The following CFAP44 variants were observed in gnomAD, a reference collection of about 807,000 sequenced individuals.
CFAP44 encodes cilia- and flagella-associated protein 44.
A neutral mutation model predicts 216.2 loss-of-function variants in CFAP44; 134 were observed. The observed-to-expected ratio is 0.62, with a 90% confidence interval of 0.54 to 0.72. CFAP44 has a LOEUF of 0.72. Ranked by LOEUF, CFAP44 falls within the 30% of genes least tolerant of loss-of-function variation. The probability of loss-of-function intolerance (pLI) is 0.00; values close to 1 mark genes in which losing one functional copy is unlikely to be tolerated. For missense variants in CFAP44, 2,035 were observed against 2,182.1 expected (o/e 0.93, Z 1.34); for synonymous variants, 700 against 727.6 (o/e 0.96, Z 0.61).
intron 34 of CFAP44, among the ~76,000 whole-genome samples, chr3:113,293,243 A>C (rs1319770321): frequency 6.6e-6 from 1 of 152,194 alleles, no homozygotes; most frequent in Non-Finnish European, 1.5e-5. Flanking sequence ...TCTTACTTTG[A>C]GATGGCTTTT....
intron 32 of CFAP44, among the ~76,000 whole-genome samples, chr3:113,303,615 CG>C (rs1949958962): frequency 6.6e-6 from 1 of 152,076 alleles, no homozygotes; most frequent in Non-Finnish European, 1.5e-5. Context: ...TGTATCTCAA[CG>C]TTTTCTTTCT....
chr3:113,313,816 C>T (rs1263270193), intron 28 of CFAP44, among the ~76,000 whole-genome samples: 1 of 152,214 alleles, frequency 6.6e-6, no homozygotes, highest in East Asian at 1.9e-4. Context: ...GAGGCATCCC[C>T]AGCCATGTGG....
chr3:113,315,740 C>T (rs1576543894), intron 28 of CFAP44, among the ~76,000 whole-genome samples: 1 of 152,298 alleles, frequency 6.6e-6, no homozygotes, highest in East Asian at 1.9e-4. Flanking sequence ...TACAGCCATT[C>T]TGTTTCATTT....
At chr3:113,418,057 AATTTATTT>A (rs71299331) in intron 5 of CFAP44, among the ~76,000 whole-genome samples, 34 of 148,952 alleles carry the variant, frequency 2.3e-4, no homozygotes, top group African/African-American at 6.9e-4. Flanking sequence ...ATTGAGACAC[AATTTATTT>A]ATTTATTTAT....
chr3:113,408,148 T>A (rs983216078), intron 7 of CFAP44, among the ~76,000 whole-genome samples: 1 of 152,268 alleles, frequency 6.6e-6, no homozygotes, highest in Admixed American at 6.5e-5. Flanking sequence ...GAAGTCAGGA[T>A]GGATAAAAAT....
At position 113,296,592 on chromosome 3, in the gene CFAP44, C is replaced by T. The variant is rs112436285; in HGVS notation, c.5238+133G>A. The T allele has an allele frequency of 0.01, 10,503 of 1,001,396 alleles. 388 individuals are homozygous for T. The African/African-American group carries it at 0.11, about 10-fold the overall frequency. 62.0% of individuals were successfully genotyped at this position (1,001,396 alleles called of 1,614,324 possible). A position where few individuals can be genotyped will look rare whatever the true frequency, so the allele number is the denominator to read the frequency against. On this transcript the variant is annotated intron_variant, in intron 33 of 34. Coordinates refer to ENST00000393845, the MANE Select transcript of CFAP44 (RefSeq NM_001164496.2). ...AAGAAGCCGAGACAAGGCCTAAGATCCTGGGGCAGCCAAAGGGGGCTCGCG... is the reference window on the plus strand; with the variant it reads ...AAGAAGCCGAGACAAGGCCTAAGATTCTGGGGCAGCCAAAGGGGGCTCGCG...
Position 113,416,424 on chromosome 3 carries a change from C to A in CFAP44, c.673+101G>T, listed in dbSNP as rs867156821. 1.8e-5 allele frequency: 16 copies of A among 886,028 alleles called. No individual in the cohort carries two copies. The Middle Eastern group carries it at 3.3e-3, about 185-fold the overall frequency. 54.9% of individuals were successfully genotyped at this position (886,028 alleles called of 1,614,324 possible). ...ATCTCTTTTCTGTCTTCCACTAGTT[C>A]TGTTTCTCTGGAGAACCTTGACTTA... is the stretch of plus-strand genomic sequence containing the variant. On this transcript the variant is annotated intron_variant, in intron 6 of 34. Coordinates refer to ENST00000393845, the MANE Select transcript of CFAP44 (RefSeq NM_001164496.2).
rs909386337 is a variant in CFAP44, at chr3:113,341,782, T to C, written c.3399A>G (p.Gln1133=). 1.3e-6 allele frequency: 2 copies of C among 1,525,098 alleles called. No homozygotes were observed. Among genetic ancestry groups the C allele is most frequent in the Non-Finnish European group, 1.7e-6 (2 of 1,144,342 alleles). 94.5% of individuals were successfully genotyped at this position (1,525,098 alleles called of 1,614,324 possible). The stretch of plus-strand genomic sequence containing the variant: ...CTTTTTTTCGCTGTTGAATCTTTAG[T>C]TGTGCCCTTTCAGCTTTTAATATAA... ...RKLILKAERA[Q]LKIQQRKKEW... Residue 1133 remains glutamine, a synonymous_variant, in exon 24 of 35, where the codon CAA becomes CAG. Transcript: ENST00000393845.
chr3:113,400,687 A>G (rs1319987330), intron 11 of CFAP44, 43 bp from the exon 12 acceptor site: 4 of 1,527,820 alleles, frequency 2.6e-6, no homozygotes, highest in Middle Eastern at 1.7e-4. Context: ...AAGACAGAGT[A>G]ACAAAGAATT....
chr3:113,395,844 A>C lies in CFAP44; in HGVS notation c.1796T>G (p.Val599Gly). The C allele has an allele frequency of 6.2e-7, 1 of 1,613,688 alleles. No homozygotes were observed. Among genetic ancestry groups the C allele is most frequent in the Non-Finnish European group, 8.5e-7 (1 of 1,179,734 alleles). Residue 599 changes from valine to glycine, a missense_variant, in exon 15 of 35, where the codon GTT becomes GGT. This residue lies in a region of CFAP44 where 1,883 missense variants were observed against 2,023.7 expected (regional missense o/e 0.93). Coordinates refer to ENST00000393845, the MANE Select transcript of CFAP44 (RefSeq NM_001164496.2). ...ILATGSKDQT[V>G]FFFEVERDYK... ...ATCCCTTTCCACTTCAAAGAAGAAA[A>C]CAGTTTGATCTTTACTCTAAGGAAA...
chr3:113,372,579 G>A (rs907762991), intron 18 of CFAP44, among the ~76,000 whole-genome samples: 10 of 152,138 alleles, frequency 6.6e-5, no homozygotes, highest in Non-Finnish European at 1.3e-4. Context: ...GGGCCTGTTG[G>A]GGAGTGGGGG....
intron 25 of CFAP44, 82 bp downstream of exon 25, chr3:113,333,324 T>C: frequency 4.3e-6 from 5 of 1,164,552 alleles, no homozygotes; most frequent in Non-Finnish European, 6.0e-6. Context: ...ATTGACCAGA[T>C]AGGGAAATGA....
intron 15 of CFAP44, among the ~76,000 whole-genome samples, chr3:113,388,095 G>A (rs906613699): frequency 6.6e-6 from 1 of 152,108 alleles, no homozygotes; most frequent in African/African-American, 2.4e-5. Flanking sequence ...CAGCATCCCT[G>A]GACCTGCCTG....
chr3:113,314,501 C>T (rs543298877), intron 28 of CFAP44, among the ~76,000 whole-genome samples: 135 of 152,170 alleles, frequency 8.9e-4, no homozygotes, highest in Admixed American at 5.1e-3. Context: ...CATTTGTCAC[C>T]AGCATGCCTA....
chr3:113,416,568 G>GATA lies in CFAP44; in HGVS notation c.627_629dup (p.Ile211dup). On this transcript the variant is annotated inframe_insertion, in exon 6 of 35. Coordinates refer to ENST00000393845, the MANE Select transcript of CFAP44 (RefSeq NM_001164496.2). ...GTCTCAGAGAAGGATATTCATAGATGATAATATCTGGAAAACTCCCTTTTT... is the reference window on the plus strand; with the variant it reads ...GTCTCAGAGAAGGATATTCATAGATGATAATAATATCTGGAAAACTCCCTTTTT... 6.2e-7 allele frequency: 1 copy of GATA among 1,612,460 alleles called. No homozygotes were observed. Among genetic ancestry groups the GATA allele is most frequent in the Non-Finnish European group, 8.5e-7 (1 of 1,178,984 alleles).
In CFAP44 at chr3:113,426,167, C is replaced by A. The variant is rs2107403506; in HGVS notation, c.364G>T (p.Val122Leu). ...AGTGGTATGTTTGAATCCAGAGTCA[C>A]AAAAGGCATCGAAGCAAGCTCCATA... ...DYMELASMPF[V>L]TLDSNIPLDL... The change falls in exon 4 of 35, where the codon GTG (valine) becomes TTG (leucine). Residue 122 changes from valine to leucine, a missense_variant. Transcript: ENST00000393845. 6.2e-7 allele frequency: 1 copy of A among 1,614,122 alleles called. No individual in the cohort carries two copies. Among genetic ancestry groups the A allele is most frequent in the Non-Finnish European group, 8.5e-7 (1 of 1,179,964 alleles).
intron 30 of CFAP44, 146 bp from the exon 31 acceptor site, chr3:113,305,298 C>T: frequency 1.5e-6 from 1 of 664,602 alleles, no homozygotes; most frequent in Non-Finnish European, 2.6e-6. Context: ...TCCCAGTTTG[C>T]AACTCAGGAA....
chr3:113,430,377 C>CA (rs1401052493), intron 2 of CFAP44, among the ~76,000 whole-genome samples: 8 of 82,306 alleles, frequency 9.7e-5, no homozygotes, highest in African/African-American at 4.1e-4. Context: ...GAACAAAAGT[C>CA]AAAAAAAATC....
At chr3:113,307,498 TCC>T (rs1949997531) in intron 29 of CFAP44, among the ~76,000 whole-genome samples, 4 of 152,306 alleles carry the variant, frequency 2.6e-5, no homozygotes, top group Admixed American at 2.0e-4. Flanking sequence ...TCATTTCTTT[TCC>T]CATAGTATGT....
Sources: gnomAD v4.1 joint callset for allele counts (sites outside exome capture counted in the v4.1 genomes callset) on GRCh38, gnomAD v4.1.1 for gene constraint, gnomAD v4.1.1 regional missense constraint, MANE v1.5 for transcripts, NCBI Gene and HGNC (gene_info 2026-07-23, HGNC 2026-07-21) for gene names.